Variants in WIF1 observed in about 807,000 individuals in gnomAD.
The protein encoded by WIF1 is Wnt inhibitory factor 1.
Under a neutral mutation model 53.5 loss-of-function variants are expected in WIF1, and 35 were observed. The ratio of observed to expected loss-of-function variants is 0.65; its 90% CI spans 0.50 to 0.87. The LOEUF (loss-of-function observed/expected upper bound fraction) is 0.87, where lower values mean the gene tolerates loss of function less well. Among genes scored for constraint, WIF1 ranks in the 40% least tolerant of loss-of-function variants. WIF1 has a pLI of 0.00. For synonymous variants in WIF1, 171 were observed against 170.4 expected, an observed-to-expected ratio of 1.00 and a Z score of -0.03; for missense variants, 467 against 476.8, an observed-to-expected ratio of 0.98 and a Z score of 0.19.
At chr12:65,102,652 T>C (rs1165333927) in intron 2 of WIF1, among the ~76,000 whole-genome samples, 1 of 152,166 alleles carries the variant, frequency 6.6e-6, no homozygotes, top group Non-Finnish European at 1.5e-5. Context: ...ACATCATACA[T>C]GATGTTTTTG....
chr12:65,075,055 A>T (rs1882841403), intron 3 of WIF1, among the ~76,000 whole-genome samples: 1 of 152,072 alleles, frequency 6.6e-6, no homozygotes, highest in Non-Finnish European at 1.5e-5. Flanking sequence ...CAGGTGAATA[A>T]ATCTTCACCC....
chr12:65,091,795 A>G (rs1883126844), intron 2 of WIF1, among the ~76,000 whole-genome samples: 1 of 152,182 alleles, frequency 6.6e-6, no homozygotes, highest in Non-Finnish European at 1.5e-5. Context: ...AAATCATTAT[A>G]TCTGGCTGAT....
rs775472428 is a variant in WIF1, at chr12:65,066,615, C to T, written c.730+26G>A. The T allele has an allele frequency of 1.9e-6, 3 of 1,573,140 alleles. No homozygotes were observed. The South Asian group carries it at 3.5e-5, about 18-fold the overall frequency. On this transcript the variant is annotated intron_variant, in intron 6 of 9. Transcript: ENST00000286574. The stretch of plus-strand genomic sequence containing the variant: ...TCAAACATTTTAAAAGTAAAAATAA[C>T]TTTCTTCTTAAAAAGAAACTGTTAC...
intron 2 of WIF1, among the ~76,000 whole-genome samples, chr12:65,107,439 C>CA (rs1883367238): frequency 6.6e-6 from 1 of 152,150 alleles, no homozygotes; most frequent in South Asian, 2.1e-4. Context: ...GCCTGGCTAA[C>CA]ATGCTGAAAC....
At chr12:65,062,322 A>G (rs1202264986) in intron 7 of WIF1, among the ~76,000 whole-genome samples, 159 bp downstream of exon 7, 3 of 152,172 alleles carry the variant, frequency 2.0e-5, no homozygotes, top group Non-Finnish European at 4.4e-5. Context: ...GCCAAAATGC[A>G]TGGTAGCTGA....
intron 2 of WIF1, among the ~76,000 whole-genome samples, chr12:65,115,605 GA>G (rs1461087539): frequency 4.6e-5 from 7 of 152,286 alleles, no homozygotes; most frequent in South Asian, 4.1e-4. Context: ...ATCATCTATT[GA>G]AAAGTTTTAT....
Position 65,074,165 on chromosome 12 carries a change from ATTTTTAT to A in WIF1, c.397+3574_397+3580del, listed in dbSNP as rs1442301851. Reference sequence around the variant, plus strand: ...TCCTAAGCAGTAGAATTTCAGTAAGATTTTTATTTTTTATTTTTTTATTTTTTTTATT... The same window carrying A: ...TCCTAAGCAGTAGAATTTCAGTAAGATTTTTATTTTTTTATTTTTTTTATT... On this transcript the variant is annotated intron_variant, in intron 3 of 9. Coordinates refer to ENST00000286574, the MANE Select transcript of WIF1 (RefSeq NM_007191.5). Among the ~76,000 whole-genome samples the A allele has an allele frequency of 6.6e-5, 10 of 151,934 alleles. No individual in the cohort carries two copies. The East Asian group carries it at 1.9e-3, about 29-fold the overall frequency.
chr12:65,098,095 CATAGGCAGTG>C (rs1355212472), intron 2 of WIF1, among the ~76,000 whole-genome samples: 4 of 152,132 alleles, frequency 2.6e-5, no homozygotes, highest in African/African-American at 7.2e-5. Context: ...TTTCCTGCTC[CATAGGCAGTG>C]GATAAAATAA....
At chr12:65,080,894 T>C (rs2878638) in intron 2 of WIF1, among the ~76,000 whole-genome samples, 25,928 of 152,060 alleles carry the variant, frequency 0.17, 3,154 homozygotes, top group African/African-American at 0.34. Context: ...ATAAATTAAA[T>C]ATACCTTTCT....
At chr12:65,055,416 C>T (rs1170919291) in intron 8 of WIF1, among the ~76,000 whole-genome samples, 7 of 152,160 alleles carry the variant, frequency 4.6e-5, no homozygotes, top group Non-Finnish European at 8.8e-5. Flanking sequence ...TGATATTTTT[C>T]ATTCGCAAAA....
At chr12:65,093,673 C>T (rs911881383) in intron 2 of WIF1, among the ~76,000 whole-genome samples, 1 of 151,928 alleles carries the variant, frequency 6.6e-6, no homozygotes, top group Non-Finnish European at 1.5e-5. Flanking sequence ...AAAATACATA[C>T]ACACACACAG....
At chr12:65,085,546 A>G (rs1883024846) in intron 2 of WIF1, among the ~76,000 whole-genome samples, 7 of 152,226 alleles carry the variant, frequency 4.6e-5, no homozygotes, top group Admixed American at 3.9e-4. Context: ...ACTAGCTCTT[A>G]GAAGAACTTG....
In WIF1 at chr12:65,064,168, C is replaced by T. The variant is rs1882653931; in HGVS notation, c.731-1592G>A. ...GGGATCAGTACCCACTTGGCCCATG[C>T]CCCGTGGGCACTGCCCAATTACTGA... On this transcript the variant is annotated intron_variant, in intron 6 of 9. Transcript: ENST00000286574. Among the ~76,000 whole-genome samples, 3 of 152,214 alleles carry T rather than the reference C, an allele frequency of 2.0e-5. No individual in the cohort carries two copies. The South Asian group carries it at 6.2e-4, about 32-fold the overall frequency.
intron 2 of WIF1, chr12:65,083,801 C>CCTTTCCTTTCCTTTG (rs1565754640): frequency 9.0e-6 from 3 of 332,698 alleles, no homozygotes; most frequent in Non-Finnish European, 1.7e-5. Flanking sequence ...CCTTTCCTTT[C>CCTTTCCTTTCCTTTG]CTTTCCTTTC....
At chr12:65,072,430 A>T (rs779359223) in intron 3 of WIF1, among the ~76,000 whole-genome samples, 2 of 152,216 alleles carry the variant, frequency 1.3e-5, no homozygotes, top group African/African-American at 4.8e-5. Flanking sequence ...TGATTTAATT[A>T]TGGTTTGCAT....
At chr12:65,093,510 A>G (rs1033226294) in intron 2 of WIF1, among the ~76,000 whole-genome samples, 9 of 152,280 alleles carry the variant, frequency 5.9e-5, no homozygotes, top group African/African-American at 2.2e-4. Flanking sequence ...CCAAATTTTG[A>G]GTACTTGTAA....
At chr12:65,092,432 ATG>A (rs1555187367) in intron 2 of WIF1, among the ~76,000 whole-genome samples, 1 of 148,114 alleles carries the variant, frequency 6.8e-6, no homozygotes, top group African/African-American at 2.6e-5. Flanking sequence ...ACATATATAT[ATG>A]TGTATATATA....
intron 8 of WIF1, among the ~76,000 whole-genome samples, chr12:65,055,685 GA>G (rs1391604778): frequency 1.3e-5 from 2 of 152,234 alleles, no homozygotes; most frequent in Non-Finnish European, 2.9e-5. Context: ...CGAGGCAGGG[GA>G]ATCGCTTACA....
chr12:65,076,492 G>T (rs1363979900), intron 3 of WIF1, among the ~76,000 whole-genome samples: 1 of 152,104 alleles, frequency 6.6e-6, no homozygotes, highest in African/African-American at 2.4e-5. Context: ...TTGGCAATTT[G>T]TTTTAAGAGT....
Sources: gnomAD v4.1 joint callset for allele counts (sites outside exome capture counted in the v4.1 genomes callset) on GRCh38, gnomAD v4.1.1 for gene constraint, MANE v1.5 for transcripts, NCBI Gene and HGNC (gene_info 2026-07-23, HGNC 2026-07-21) for gene names.